Variants in IL1RAPL1 observed in about 807,000 individuals in gnomAD.
IL1RAPL1 encodes the protein interleukin-1 receptor accessory protein-like 1.
A neutral mutation model predicts 48.4 loss-of-function variants in IL1RAPL1; 3 were observed. The observed-to-expected ratio is 0.06, with a 90% CI of 0.03 to 0.16. The LOEUF (loss-of-function observed/expected upper bound fraction) is 0.16, where lower values mean the gene tolerates loss of function less well. Ranked by LOEUF, IL1RAPL1 falls within the 10% of genes least tolerant of loss-of-function variation. IL1RAPL1 has a pLI of 1.00. For missense variants in IL1RAPL1, 349 were observed against 530.6 expected, an observed-to-expected ratio of 0.66 and a Z score of 3.36; for synonymous variants, 185 against 187.7, an observed-to-expected ratio of 0.99 and a Z score of 0.12.
chrX:29,654,922 T>C (rs1425752592), intron 5 of IL1RAPL1, among the ~76,000 whole-genome samples: 1 of 112,204 alleles, frequency 8.9e-6, no homozygotes, highest in Non-Finnish European at 1.9e-5. Context: ...AAATTAAAAA[T>C]AGTTTTATAT....
intron 6 of IL1RAPL1, among the ~76,000 whole-genome samples, chrX:29,825,574 T>G (rs1317328291): frequency 9.0e-6 from 1 of 111,620 alleles, no homozygotes; most frequent in Non-Finnish European, 1.9e-5. Context: ...TCTGGTGAAA[T>G]AAGCATAACA....
At chrX:28,633,424 C>T (rs1191904152) in intron 1 of IL1RAPL1, among the ~76,000 whole-genome samples, 2 of 111,375 alleles carry the variant, frequency 1.8e-5, no homozygotes, top group Non-Finnish European at 3.8e-5. Context: ...AAGTTCAATA[C>T]CACATTTTAG....
intron 3 of IL1RAPL1, among the ~76,000 whole-genome samples, chrX:29,375,758 A>C (rs2147670104): frequency 8.9e-6 from 1 of 112,265 alleles, no homozygotes; most frequent in East Asian, 2.8e-4. Context: ...GTCTATTCAG[A>C]GTTTTAATCT....
intron 2 of IL1RAPL1, among the ~76,000 whole-genome samples, chrX:29,176,660 G>A (rs1423020878): frequency 1.8e-5 from 2 of 110,717 alleles, no homozygotes; most frequent in Middle Eastern, 4.7e-3. Context: ...CCATACTTAC[G>A]TCTGATGGTC....
chrX:29,195,557 CTTTTTTT>C (rs756993767), intron 2 of IL1RAPL1, among the ~76,000 whole-genome samples: 4 of 79,943 alleles, frequency 5.0e-5, no homozygotes, highest in African/African-American at 1.4e-4. Flanking sequence ...TAACTAATTA[CTTTTTTT>C]TTTTTTTTTT....
chrX:29,200,173 A>G (rs1171923053), intron 2 of IL1RAPL1, among the ~76,000 whole-genome samples: 2 of 111,316 alleles, frequency 1.8e-5, no homozygotes, highest in Non-Finnish European at 3.8e-5. Context: ...TCCAACAGTC[A>G]AAAAGTCAGG....
chrX:29,644,416 A>C, intron 5 of IL1RAPL1, among the ~76,000 whole-genome samples: 1 of 111,762 alleles, frequency 8.9e-6, no homozygotes, highest in Non-Finnish European at 1.9e-5. Context: ...GCACCTATAC[A>C]TGTCCCTCAT....
chrX:29,237,992 G>A (rs1931341166), intron 2 of IL1RAPL1, among the ~76,000 whole-genome samples: 2 of 112,489 alleles, frequency 1.8e-5, no homozygotes, highest in African/African-American at 6.5e-5. Context: ...AGACTGTGGA[G>A]GAAACGAAAT....
chrX:28,888,523 G>A (rs1324258194), intron 2 of IL1RAPL1, among the ~76,000 whole-genome samples: 1 of 111,428 alleles, frequency 9.0e-6, no homozygotes, highest in African/African-American at 3.3e-5. Flanking sequence ...TTGCCAAAGT[G>A]AGTGTAACAC....
chrX:29,717,226 ACACACACACACG>A (rs1044784411), intron 6 of IL1RAPL1, among the ~76,000 whole-genome samples: 1 of 110,363 alleles, frequency 9.1e-6, no homozygotes, highest in Non-Finnish European at 1.9e-5. Context: ...ACACACACAC[ACACACACACACG>A]AACAAGAATA....
intron 2 of IL1RAPL1, among the ~76,000 whole-genome samples, chrX:29,029,430 T>C (rs1926566162): frequency 9.0e-6 from 1 of 111,612 alleles, no homozygotes; most frequent in Non-Finnish European, 1.9e-5. Flanking sequence ...ACAGGTAATG[T>C]AAAACTGCCC....
At chrX:29,669,757 AT>A (rs759452050) in intron 6 of IL1RAPL1, among the ~76,000 whole-genome samples, 4 of 111,757 alleles carry the variant, frequency 3.6e-5, no homozygotes, top group Non-Finnish European at 7.6e-5. Flanking sequence ...AATTGCTGTT[AT>A]TTTGAGATGG....
intron 5 of IL1RAPL1, among the ~76,000 whole-genome samples, chrX:29,644,207 TG>T (rs1320752007): frequency 7.1e-5 from 8 of 112,470 alleles, no homozygotes; most frequent in Non-Finnish European, 1.3e-4. Flanking sequence ...GAGACACAGT[TG>T]AAACACAGTA....
chrX:28,624,908 A>G, intron 1 of IL1RAPL1, among the ~76,000 whole-genome samples: 1 of 111,950 alleles, frequency 8.9e-6, no homozygotes, highest in Non-Finnish European at 1.9e-5. Context: ...CTTTAGGATA[A>G]TTATGTCACC....
intron 3 of IL1RAPL1, among the ~76,000 whole-genome samples, chrX:29,357,129 G>C (rs985074180): frequency 1.8e-5 from 2 of 111,720 alleles, no homozygotes; most frequent in African/African-American, 6.5e-5. Context: ...AATTCTTTCA[G>C]ATATTTTATT....
chrX:29,120,622 G>A (rs2147476586), intron 2 of IL1RAPL1, among the ~76,000 whole-genome samples: 1 of 111,251 alleles, frequency 9.0e-6, no homozygotes, highest in East Asian at 2.8e-4. Flanking sequence ...TGGCTATTGA[G>A]GCTATTTTTT....
intron 2 of IL1RAPL1, among the ~76,000 whole-genome samples, chrX:29,129,859 G>A (rs1459569126): frequency 9.0e-6 from 1 of 111,014 alleles, no homozygotes; most frequent in Non-Finnish European, 1.9e-5. Context: ...CTCCCAAAGT[G>A]CTGGGATTAC....
At chrX:29,768,996 A>G (rs1264292874) in intron 6 of IL1RAPL1, among the ~76,000 whole-genome samples, 1 of 111,211 alleles carries the variant, frequency 9.0e-6, no homozygotes, top group Non-Finnish European at 1.9e-5. Context: ...ATCTGCTGGG[A>G]CAGGAAAAGG....
At chrX:29,380,024 C>T (rs746311071) in intron 3 of IL1RAPL1, among the ~76,000 whole-genome samples, 2 of 110,447 alleles carry the variant, frequency 1.8e-5, no homozygotes, top group South Asian at 3.9e-4. Context: ...CGGTATTTGT[C>T]TTTCTGTACC....
Sources: gnomAD v4.1 joint callset for allele counts (sites outside exome capture counted in the v4.1 genomes callset) on GRCh38, gnomAD v4.1.1 for gene constraint, MANE v1.5 for transcripts, NCBI Gene and HGNC (gene_info 2026-07-23, HGNC 2026-07-21) for gene names.